Variants in ITFG1 observed in about 807,000 individuals in gnomAD.
ITFG1 encodes integrin alpha FG-GAP repeat containing 1, also known as T-cell immunomodulatory protein.
A neutral mutation model predicts 81.8 loss-of-function variants in ITFG1; 34 were observed. The ratio of observed to expected loss-of-function variants is 0.42; its 90% CI spans 0.32 to 0.55. ITFG1 has a LOEUF of 0.55. ITFG1 is among the 20% of genes least tolerant of loss of function. The probability of loss-of-function intolerance (pLI) is 0.17; values close to 1 mark genes in which losing one functional copy is unlikely to be tolerated. For synonymous variants in ITFG1, 285 were observed against 270.6 expected, an observed-to-expected ratio of 1.05 and a Z score of -0.52; for missense variants, 672 against 755.4, an observed-to-expected ratio of 0.89 and a Z score of 1.29.
chr16:47,409,396 ATATATATATTTTTTTTTTT>A (rs1456496946), intron 6 of ITFG1, among the ~76,000 whole-genome samples: 3 of 15,120 alleles, frequency 2.0e-4, no homozygotes, highest in African/African-American at 9.4e-4. Flanking sequence ...ATATATATAT[ATATATATATTTTTTTTTTT>A]TTTTTTTTTT....
intron 14 of ITFG1, among the ~76,000 whole-genome samples, chr16:47,173,245 G>A (rs750397413): frequency 4.6e-5 from 7 of 151,926 alleles, no homozygotes; most frequent in Non-Finnish European, 8.8e-5. Flanking sequence ...CCCACAGTAC[G>A]TTAACACTGC....
rs552309706 is a variant in ITFG1 at position 47,174,659 on chromosome 16, T to A, written c.1454-11995A>T. 2.0e-5 allele frequency among the ~76,000 whole-genome samples: 3 copies of A among 152,268 alleles called. No homozygotes were observed. In the South Asian group the frequency reaches 6.2e-4, roughly 32 times the overall value. ...CCTCAGCCTCCTGAGTAGCAGGAAT[T>A]AGAGGCGTACACCACCATGTCCGGC... On this transcript the variant is annotated intron_variant, in intron 14 of 17. Transcript: ENST00000320640.
intron 14 of ITFG1, among the ~76,000 whole-genome samples, chr16:47,183,631 A>T (rs1031383932): frequency 1.3e-5 from 2 of 152,142 alleles, no homozygotes; most frequent in Non-Finnish European, 1.5e-5. Flanking sequence ...CCAAAAACCC[A>T]TCTGTACATC....
intron 14 of ITFG1, among the ~76,000 whole-genome samples, chr16:47,171,721 G>A (rs953413089): frequency 1.3e-5 from 2 of 149,474 alleles, no homozygotes; most frequent in African/African-American, 2.6e-5. Context: ...GTTTGGTTTT[G>A]TTTGTGTTTT....
At chr16:47,218,076 CTG>C (rs1397044102) in intron 14 of ITFG1, 1 of 152,154 alleles carries the variant, frequency 6.6e-6, no homozygotes, top group Non-Finnish European at 1.5e-5. Flanking sequence ...TAAACTCACT[CTG>C]GGGTATATTT....
At chr16:47,338,878 C>T (rs922791461) in intron 8 of ITFG1, among the ~76,000 whole-genome samples, 1 of 152,156 alleles carries the variant, frequency 6.6e-6, no homozygotes, top group Non-Finnish European at 1.5e-5. Flanking sequence ...AGTCACAATG[C>T]TGCATTAACA....
chr16:47,225,359 A>G (rs1965745196), intron 13 of ITFG1, among the ~76,000 whole-genome samples: 1 of 152,174 alleles, frequency 6.6e-6, no homozygotes, highest in East Asian at 1.9e-4. Flanking sequence ...AGGTAGAAAT[A>G]TGTGAAGCAA....
chr16:47,165,500 G>A (rs994719891), intron 14 of ITFG1, among the ~76,000 whole-genome samples: 12 of 152,264 alleles, frequency 7.9e-5, no homozygotes, highest in Admixed American at 7.2e-4. Flanking sequence ...ATCTCACATA[G>A]TAAATAATAA....
Position 47,237,957 on chromosome 16 carries a change from T to G in ITFG1, c.1374+8A>C. Reference sequence around the variant, plus strand: ...AGACATATTTATAACAGATATAAATTTACTTACTGTTATCTTACGAGGACA... The same window carrying G: ...AGACATATTTATAACAGATATAAATGTACTTACTGTTATCTTACGAGGACA... On this transcript the variant is annotated splice_region_variant and intron_variant, in intron 13 of 17. Coordinates refer to ENST00000320640, the MANE Select transcript of ITFG1 (RefSeq NM_030790.5). 7.7e-7 allele frequency: 1 copy of G among 1,304,752 alleles called. No homozygotes were observed. Among genetic ancestry groups the G allele is most frequent in the Non-Finnish European group, 1.1e-6 (1 of 930,598 alleles). 80.8% of individuals were successfully genotyped at this position (1,304,752 alleles called of 1,614,324 possible). A position where few individuals can be genotyped will look rare whatever the true frequency, so the allele number is the denominator to read the frequency against.
chr16:47,286,876 T>G (rs1966871524), intron 10 of ITFG1, among the ~76,000 whole-genome samples: 2 of 152,202 alleles, frequency 1.3e-5, no homozygotes, highest in South Asian at 4.1e-4. Context: ...TAGGCAAGGC[T>G]GAGAGAGGTT....
chr16:47,386,496 G>A (rs953484536), intron 6 of ITFG1, among the ~76,000 whole-genome samples: 1 of 152,154 alleles, frequency 6.6e-6, no homozygotes, highest in Admixed American at 6.5e-5. Flanking sequence ...AGAGTGTGAG[G>A]TCAAGAGGCT....
rs140472658 is a variant in ITFG1 at position 47,265,103 on chromosome 16, C to CTATTAT, written c.1071-4414_1071-4409dup. 9.9e-3 allele frequency among the ~76,000 whole-genome samples: 1,492 copies of CTATTAT among 150,150 alleles called. 27 individuals carry two copies. The highest frequency in any genetic ancestry group is 0.034 in the African/African-American group (1,392 of 40,974). ...TAGCACAGTACACATTTAATAACTGCTATTATTATTATTATTATTATTATG... is the reference window on the plus strand; with the variant it reads ...TAGCACAGTACACATTTAATAACTGCTATTATTATTATTATTATTATTATTATTATG... On this transcript the variant is annotated intron_variant, in intron 10 of 17. Coordinates refer to ENST00000320640, the MANE Select transcript of ITFG1 (RefSeq NM_030790.5).
At position 47,415,923 on chromosome 16, in the gene ITFG1, G is replaced by A. The variant is rs147533181; in HGVS notation, c.655+12881C>T. ...AGCTTGGCCAACATGGTGAAACCCC[G>A]TCTCTACTAAAAATACAAAAATTAG... On this transcript the variant is annotated intron_variant, in intron 6 of 17. Transcript: ENST00000320640. 7.1e-3 allele frequency among the ~76,000 whole-genome samples: 1,077 copies of A among 152,048 alleles called. 15 individuals are homozygous for A. Among genetic ancestry groups the A allele is most frequent in the African/African-American group, 0.025 (1,030 of 41,482 alleles).
At chr16:47,288,528 C>T (rs919839023) in intron 10 of ITFG1, among the ~76,000 whole-genome samples, 8 of 152,066 alleles carry the variant, frequency 5.3e-5, no homozygotes, top group East Asian at 1.9e-4. Flanking sequence ...CCCTGTTTTC[C>T]GTAATGGCTG....
intron 2 of ITFG1, among the ~76,000 whole-genome samples, chr16:47,456,049 G>T (rs758138678): frequency 1.2e-4 from 19 of 152,008 alleles, no homozygotes; most frequent in Non-Finnish European, 2.2e-4. Flanking sequence ...ATAATGCCTA[G>T]CATAATAAGT....
chr16:47,284,875 T>C (rs1038904213), intron 10 of ITFG1, among the ~76,000 whole-genome samples: 2 of 152,224 alleles, frequency 1.3e-5, no homozygotes, highest in Non-Finnish European at 1.5e-5. Flanking sequence ...ATCACACATA[T>C]ATTTAATTAG....
chr16:47,431,180 A>G (rs1426317857), intron 5 of ITFG1, among the ~76,000 whole-genome samples: 14 of 152,204 alleles, frequency 9.2e-5, no homozygotes, highest in Admixed American at 9.2e-4. Flanking sequence ...CTGAGAGACA[A>G]AAGGGAGTGA....
intron 14 of ITFG1, among the ~76,000 whole-genome samples, chr16:47,200,373 G>A (rs1965410666): frequency 1.3e-5 from 2 of 152,022 alleles, no homozygotes; most frequent in Non-Finnish European, 2.9e-5. Flanking sequence ...TACATAGTAG[G>A]GATTAAAAAT....
At chr16:47,211,967 C>T (rs1222835274) in intron 14 of ITFG1, among the ~76,000 whole-genome samples, 1 of 150,572 alleles carries the variant, frequency 6.6e-6, no homozygotes, top group Non-Finnish European at 1.5e-5. Flanking sequence ...TACTGTGTAT[C>T]CCAGGCTGGT....
Sources: allele counts gnomAD v4.1 joint callset (sites outside exome capture counted in the v4.1 genomes callset), GRCh38; gene constraint gnomAD v4.1.1; transcripts MANE v1.5; gene names NCBI Gene and HGNC (gene_info 2026-07-23, HGNC 2026-07-21).